The following MSRB3 variants were observed in gnomAD, a reference collection of about 807,000 sequenced individuals.
MSRB3 encodes the protein methionine sulfoxide reductase B3.
Under a neutral mutation model 21.0 loss-of-function variants are expected in MSRB3, and 13 were observed. That is an observed-to-expected ratio of 0.62 (90% CI 0.40 to 0.98). The LOEUF (loss-of-function observed/expected upper bound fraction) is 0.98, where lower values mean the gene tolerates loss of function less well. Ranked by LOEUF, MSRB3 falls within the 50% of genes least tolerant of loss-of-function variation. MSRB3 has a pLI of 0.00. For synonymous variants in MSRB3, 87 were observed against 88.6 expected (o/e 0.98, Z 0.10); for missense variants, 199 against 230.3 (o/e 0.86, Z 0.88).
chr12:65,363,410 G>A (rs1877823442), intron 4 of MSRB3, among the ~76,000 whole-genome samples: 1 of 152,100 alleles, frequency 6.6e-6, no homozygotes, highest in Non-Finnish European at 1.5e-5. Context: ...GTATACAGCT[G>A]TAACCAATGA....
At chr12:65,401,796 GC>G (rs1416388368) in intron 5 of MSRB3, among the ~76,000 whole-genome samples, 5 of 152,152 alleles carry the variant, frequency 3.3e-5, no homozygotes, top group Non-Finnish European at 7.3e-5. Flanking sequence ...CTCTTATAAG[GC>G]AAGCCTGGTG....
intron 5 of MSRB3, among the ~76,000 whole-genome samples, chr12:65,399,744 T>C (rs1157594147): frequency 6.6e-6 from 1 of 152,234 alleles, no homozygotes; most frequent in Non-Finnish European, 1.5e-5. Context: ...GGGTTTGTCA[T>C]AAATAGCTCT....
chr12:65,347,796 G>A (rs887071919), intron 4 of MSRB3, among the ~76,000 whole-genome samples: 1 of 152,052 alleles, frequency 6.6e-6, no homozygotes, highest in African/African-American at 2.4e-5. Flanking sequence ...TTAGCACGAA[G>A]GTTGTTGAAT....
At chr12:65,449,355 G>A (rs1206558358) in intron 5 of MSRB3, among the ~76,000 whole-genome samples, 2 of 151,942 alleles carry the variant, frequency 1.3e-5, no homozygotes, top group East Asian at 3.9e-4. Flanking sequence ...GTTAGCAGGG[G>A]GACTACATAG....
intron 4 of MSRB3, among the ~76,000 whole-genome samples, chr12:65,336,613 A>G (rs796392969): frequency 2.0e-5 from 3 of 152,374 alleles, no homozygotes; most frequent in African/African-American, 7.2e-5. Flanking sequence ...TAATAGGGAA[A>G]ACTTTTAACT....
intron 1 of MSRB3, among the ~76,000 whole-genome samples, chr12:65,292,101 C>A (rs1872696645): frequency 6.6e-6 from 1 of 152,176 alleles, no homozygotes; most frequent in Admixed American, 6.6e-5. Context: ...TATACTATTC[C>A]ACTGAAACAG....
At chr12:65,446,487 A>G (rs1378693609) in intron 5 of MSRB3, among the ~76,000 whole-genome samples, 12 of 152,198 alleles carry the variant, frequency 7.9e-5, no homozygotes, top group Admixed American at 7.9e-4. Context: ...TGCTTCTTCA[A>G]ATGAAATATT....
chr12:65,366,975 G>A (rs1231089523), intron 4 of MSRB3, among the ~76,000 whole-genome samples: 2 of 152,144 alleles, frequency 1.3e-5, no homozygotes, highest in African/African-American at 2.4e-5. Flanking sequence ...GACAGGAGGA[G>A]GAGGGGAAGT....
intron 1 of MSRB3, among the ~76,000 whole-genome samples, chr12:65,287,829 C>T (rs895641030): frequency 1.3e-5 from 2 of 152,068 alleles, no homozygotes; most frequent in African/African-American, 4.8e-5. Context: ...TATTTGCATC[C>T]TTGTGTATGT....
intron 5 of MSRB3, among the ~76,000 whole-genome samples, chr12:65,451,320 C>T (rs555606378): frequency 1.3e-3 from 201 of 152,162 alleles, no homozygotes; most frequent in African/African-American, 4.6e-3. Context: ...TGGTAAACAA[C>T]AAACTATTCA....
At chr12:65,439,241 CAT>C (rs1157017191) in intron 5 of MSRB3, among the ~76,000 whole-genome samples, 4 of 151,472 alleles carry the variant, frequency 2.6e-5, no homozygotes, top group Admixed American at 1.3e-4. Flanking sequence ...ACAAAGCAAT[CAT>C]AAACCTACAG....
intron 4 of MSRB3, among the ~76,000 whole-genome samples, chr12:65,363,462 A>C (rs113989906): frequency 0.029 from 4,457 of 152,264 alleles, 112 homozygotes; most frequent in African/African-American, 0.061. Flanking sequence ...TCTATTATCA[A>C]AAGAATGCAT....
intron 5 of MSRB3, among the ~76,000 whole-genome samples, chr12:65,414,850 G>T (rs1300215280): frequency 6.6e-6 from 1 of 152,174 alleles, no homozygotes; most frequent in Non-Finnish European, 1.5e-5. Context: ...ATAAGTTCAG[G>T]TGGGGCCTGG....
intron 2 of MSRB3, among the ~76,000 whole-genome samples, chr12:65,323,702 T>C (rs1260955171): frequency 2.0e-5 from 3 of 152,182 alleles, no homozygotes; most frequent in African/African-American, 7.2e-5. Flanking sequence ...CAAAATGAAA[T>C]GATTTTTTCA....
At chr12:65,310,343 A>G (rs1873914192) in intron 2 of MSRB3, among the ~76,000 whole-genome samples, 1 of 152,090 alleles carries the variant, frequency 6.6e-6, no homozygotes, top group Non-Finnish European at 1.5e-5. Context: ...GAAAAGAAAG[A>G]TTGTAATTGG....
intron 5 of MSRB3, among the ~76,000 whole-genome samples, chr12:65,411,034 G>C (rs1256304549): frequency 6.6e-6 from 1 of 151,058 alleles, no homozygotes; most frequent in Non-Finnish European, 1.5e-5. Flanking sequence ...TTAATGTCTT[G>C]GGAATGTGTT....
chr12:65,329,354 G>A (rs1284377550), intron 4 of MSRB3, among the ~76,000 whole-genome samples: 1 of 152,102 alleles, frequency 6.6e-6, no homozygotes, highest in African/African-American at 2.4e-5. Flanking sequence ...CCTTAATTGG[G>A]AGTAAATGTC....
chr12:65,358,974 C>T (rs1877551409), intron 4 of MSRB3, among the ~76,000 whole-genome samples: 2 of 151,104 alleles, frequency 1.3e-5, no homozygotes, highest in African/African-American at 2.4e-5. Flanking sequence ...TTTCTTCTTC[C>T]CCCTCCCCTC....
At chr12:65,393,256 G>T (rs1222150566) in intron 5 of MSRB3, among the ~76,000 whole-genome samples, 3 of 151,854 alleles carry the variant, frequency 2.0e-5, no homozygotes, top group East Asian at 1.9e-4. Flanking sequence ...GCTGAATTTT[G>T]ATTTTTATTT....
Sources: gnomAD v4.1 joint callset for allele counts (sites outside exome capture counted in the v4.1 genomes callset) on GRCh38, gnomAD v4.1.1 for gene constraint, MANE v1.5 for transcripts, NCBI Gene and HGNC (gene_info 2026-07-23, HGNC 2026-07-21) for gene names.